Variants in PAPPA observed in about 807,000 individuals in gnomAD.
PAPPA encodes pappalysin 1, also known as pappalysin-1.
PAPPA carries 60 observed loss-of-function variants against 164.0 expected under a neutral mutation model. That is an observed-to-expected ratio of 0.37 (90% CI 0.30 to 0.45). The LOEUF (loss-of-function observed/expected upper bound fraction) is 0.45. Among genes scored for constraint, PAPPA ranks in the 20% least tolerant of loss-of-function variants. PAPPA has a pLI of 1.00. For synonymous variants in PAPPA, 875 were observed against 814.1 expected (o/e 1.07, Z -1.27); for missense variants, 1,782 against 2,087.3 (o/e 0.85, Z 2.85).
intron 7 of PAPPA, among the ~76,000 whole-genome samples, chr9:116,252,996 C>G (rs1844877651): frequency 6.6e-6 from 1 of 152,146 alleles, no homozygotes; most frequent in East Asian, 1.9e-4. Flanking sequence ...GGCACTGCAC[C>G]AGGCACAGAG....
At chr9:116,165,807 C>A (rs940347869) in intron 1 of PAPPA, among the ~76,000 whole-genome samples, 4 of 152,192 alleles carry the variant, frequency 2.6e-5, no homozygotes, top group African/African-American at 4.8e-5. Flanking sequence ...AGAGTTTTCT[C>A]TCTTCTGAGA....
chr9:116,355,252 T>C (rs939963153), intron 17 of PAPPA, among the ~76,000 whole-genome samples: 1 of 152,194 alleles, frequency 6.6e-6, no homozygotes, highest in Middle Eastern at 3.2e-3. Context: ...TCAGGAAATG[T>C]CACAGGAATT....
At chr9:116,205,667 G>A (rs1410310369) in intron 2 of PAPPA, among the ~76,000 whole-genome samples, 3 of 152,124 alleles carry the variant, frequency 2.0e-5, no homozygotes, top group Non-Finnish European at 4.4e-5. Context: ...TCCTTCATCT[G>A]TATGATGGCG....
chr9:116,314,853 A>G (rs909463632), intron 10 of PAPPA, among the ~76,000 whole-genome samples: 1 of 152,116 alleles, frequency 6.6e-6, no homozygotes, highest in African/African-American at 2.4e-5. Context: ...TCTTCCATGT[A>G]CAGAATACTT....
intron 2 of PAPPA, 84 bp downstream of exon 2, chr9:116,188,300 T>A: frequency 1.1e-6 from 1 of 947,910 alleles, no homozygotes; most frequent in Non-Finnish European, 1.6e-6. Context: ...CTGAGGCCAG[T>A]GGGTGATATG....
At chr9:116,289,369 G>GCATATATATGGCATATATATGC (rs1845404672) in intron 9 of PAPPA, among the ~76,000 whole-genome samples, 1 of 125,796 alleles carries the variant, frequency 7.9e-6, no homozygotes, top group African/African-American at 3.0e-5. Flanking sequence ...CATATATATG[G>GCATATATATGGCATATATATGC]CATATATATA....
intron 9 of PAPPA, among the ~76,000 whole-genome samples, chr9:116,289,756 A>C (rs1490424598): frequency 6.6e-6 from 1 of 152,196 alleles, no homozygotes; most frequent in Non-Finnish European, 1.5e-5. Context: ...GCAACAATGC[A>C]CACAACAGCC....
intron 7 of PAPPA, among the ~76,000 whole-genome samples, chr9:116,244,763 T>C (rs1479480850): frequency 6.6e-6 from 1 of 152,176 alleles, no homozygotes; most frequent in Non-Finnish European, 1.5e-5. Flanking sequence ...TGGAGATTTT[T>C]CAAAGAACTA....
chr9:116,342,254 G>C (rs1450434174), intron 13 of PAPPA, among the ~76,000 whole-genome samples: 4 of 152,194 alleles, frequency 2.6e-5, no homozygotes, highest in Admixed American at 2.6e-4. Flanking sequence ...GTGAACAGAT[G>C]CATTGTTTAG....
intron 2 of PAPPA, among the ~76,000 whole-genome samples, chr9:116,192,394 A>G (rs1248611466): frequency 6.6e-6 from 1 of 152,154 alleles, no homozygotes; most frequent in African/African-American, 2.4e-5. Context: ...TGAGCAGAGA[A>G]AAGTTCAGTT....
chr9:116,169,854 C>T (rs1843756903), intron 1 of PAPPA, among the ~76,000 whole-genome samples: 1 of 151,766 alleles, frequency 6.6e-6, no homozygotes, highest in Non-Finnish European at 1.5e-5. Flanking sequence ...GAATGGATTG[C>T]ATGAGGCCAA....
At chr9:116,191,650 G>T (rs1844043907) in intron 2 of PAPPA, among the ~76,000 whole-genome samples, 1 of 152,174 alleles carries the variant, frequency 6.6e-6, no homozygotes, top group African/African-American at 2.4e-5. Flanking sequence ...GACTGAAAAA[G>T]CAGAGATTTA....
At chr9:116,273,450 G>T (rs1587981815) in intron 9 of PAPPA, among the ~76,000 whole-genome samples, 1 of 152,150 alleles carries the variant, frequency 6.6e-6, no homozygotes, top group Admixed American at 6.5e-5. Flanking sequence ...ATGACCCAAA[G>T]AAACTAAAAT....
At chr9:116,277,630 G>A (rs1184993918) in intron 9 of PAPPA, among the ~76,000 whole-genome samples, 1 of 151,986 alleles carries the variant, frequency 6.6e-6, no homozygotes, top group African/African-American at 2.4e-5. Flanking sequence ...TTATAGATGT[G>A]TTTGCTACTG....
At chr9:116,294,246 G>C (rs1387403192) in intron 9 of PAPPA, among the ~76,000 whole-genome samples, 1 of 152,190 alleles carries the variant, frequency 6.6e-6, no homozygotes, top group Non-Finnish European at 1.5e-5. Context: ...GTGAAACACA[G>C]GGAGGAATTT....
intron 7 of PAPPA, among the ~76,000 whole-genome samples, chr9:116,253,054 T>C (rs1198977408): frequency 2.6e-5 from 4 of 152,146 alleles, no homozygotes; most frequent in Admixed American, 6.5e-5. Flanking sequence ...GCACTTAACA[T>C]ACACCAAGGT....
intron 15 of PAPPA, among the ~76,000 whole-genome samples, chr9:116,351,811 C>T (rs1846285986): frequency 6.6e-6 from 1 of 152,164 alleles, no homozygotes; most frequent in African/African-American, 2.4e-5. Flanking sequence ...TTTCTCCCTA[C>T]CACTCCACCT....
intron 1 of PAPPA, among the ~76,000 whole-genome samples, chr9:116,160,102 G>A (rs1478521630): frequency 6.6e-6 from 1 of 152,178 alleles, no homozygotes; most frequent in African/African-American, 2.4e-5. Context: ...TAATGTTGAA[G>A]GACCACTAGT....
chr9:116,172,053 T>C (rs1036282525), intron 1 of PAPPA, among the ~76,000 whole-genome samples: 2 of 152,240 alleles, frequency 1.3e-5, no homozygotes, highest in Non-Finnish European at 2.9e-5. Context: ...TAACAGCTAA[T>C]ATATTTAATG....
Sources: allele counts gnomAD v4.1 joint callset (sites outside exome capture counted in the v4.1 genomes callset), GRCh38; gene constraint gnomAD v4.1.1; transcripts MANE v1.5; gene names NCBI Gene and HGNC (gene_info 2026-07-23, HGNC 2026-07-21).